Variants in SHROOM3 observed in about 807,000 individuals in gnomAD.
SHROOM3 encodes the protein shroom family member 3.
Under a neutral mutation model 138.6 loss-of-function variants are expected in SHROOM3, and 47 were observed. The ratio of observed to expected loss-of-function variants is 0.34; its 90% CI spans 0.27 to 0.43. SHROOM3 has a LOEUF of 0.43. SHROOM3 is among the 20% of genes least tolerant of loss of function. SHROOM3 has a pLI of 1.00. For missense variants in SHROOM3, 2,491 were observed against 2,596.5 expected, an observed-to-expected ratio of 0.96 and a Z score of 0.88; for synonymous variants, 1,062 against 1,063.3, an observed-to-expected ratio of 1.00 and a Z score of 0.02.
At chr4:76,575,760 T>A (rs749637248) in intron 2 of SHROOM3, 1 of 152,140 alleles carries the variant, frequency 6.6e-6, no homozygotes, top group Non-Finnish European at 1.5e-5. Context: ...ACTATTAATA[T>A]AATACACTGA....
intron 1 of SHROOM3, among the ~76,000 whole-genome samples, chr4:76,463,538 A>G (rs1178876122): frequency 2.0e-5 from 3 of 152,256 alleles, no homozygotes; most frequent in Non-Finnish European, 4.4e-5. Flanking sequence ...GGAAATTTGC[A>G]TAAGTAAGGA....
chr4:76,453,930 T>G (rs142391347), intron 1 of SHROOM3, among the ~76,000 whole-genome samples: 249 of 152,324 alleles, frequency 1.6e-3, no homozygotes, highest in Admixed American at 3.3e-3. Context: ...TGATGTTAGA[T>G]TCGAGAAATC....
rs1222119874 is a variant in SHROOM3, at chr4:76,755,195, G to A, written c.4709+3G>A. 11 of 1,613,342 alleles carry A rather than the reference G, an allele frequency of 6.8e-6. No homozygotes were observed. In the Admixed American group the frequency reaches 8.3e-5, roughly 12 times the overall value. ...GATCCCGAGGGGCCACGCCCCAGGT[G>A]AGTGAGCAGACTGGGCAGCTTTCCC... On this transcript the variant is annotated splice_donor_region_variant and intron_variant, in intron 7 of 10. Transcript: ENST00000296043.
chr4:76,758,712 A>G (rs1459962877), intron 8 of SHROOM3: 1 of 152,184 alleles, frequency 6.6e-6, no homozygotes, highest in East Asian at 1.9e-4. Context: ...ACTAGTAAAG[A>G]TGATTTTTTG....
chr4:76,692,503 C>T (rs970739451), intron 2 of SHROOM3, among the ~76,000 whole-genome samples: 1 of 152,198 alleles, frequency 6.6e-6, no homozygotes, highest in Non-Finnish European at 1.5e-5. Flanking sequence ...CCCAACATTT[C>T]CACGCCTAGG....
intron 2 of SHROOM3, among the ~76,000 whole-genome samples, chr4:76,701,976 T>C (rs1200050441): frequency 1.3e-5 from 2 of 152,224 alleles, no homozygotes; most frequent in African/African-American, 2.4e-5. Context: ...TAAACATTAA[T>C]TGTAAACAAT....
chr4:76,736,975 T>G (rs1721090426), intron 4 of SHROOM3, among the ~76,000 whole-genome samples: 1 of 152,236 alleles, frequency 6.6e-6, no homozygotes, highest in Admixed American at 6.5e-5. Flanking sequence ...GTTGCTGTTG[T>G]GCATTTTGTA....
intron 1 of SHROOM3, among the ~76,000 whole-genome samples, chr4:76,515,656 T>C (rs1011173013): frequency 2.0e-5 from 3 of 152,174 alleles, no homozygotes; most frequent in African/African-American, 7.2e-5. Flanking sequence ...GAAATATTTC[T>C]TGGTTAATGT....
intron 1 of SHROOM3, among the ~76,000 whole-genome samples, chr4:76,461,747 A>G (rs1295452042): frequency 1.3e-5 from 2 of 152,192 alleles, no homozygotes; most frequent in East Asian, 3.9e-4. Context: ...AAATGTTAAG[A>G]TCAATAGCTA....
At position 76,552,024 on chromosome 4, in the gene SHROOM3, G is replaced by C. The variant is rs1421295220; in HGVS notation, c.169-3585G>C. ...CTACAGGCGCCCGCCATCACGCCCG[G>C]CTAATTTTTTGTATCTTTAGTAGAG... On this transcript the variant is annotated intron_variant, in intron 1 of 10. Coordinates refer to ENST00000296043, the MANE Select transcript of SHROOM3 (RefSeq NM_020859.4). 5.1e-5 allele frequency among the ~76,000 whole-genome samples: 4 copies of C among 78,906 alleles called. No homozygotes were observed. The South Asian group carries it at 1.2e-3, about 23-fold the overall frequency. 51.8% of individuals were successfully genotyped at this position (78,906 alleles called of 152,430 possible). A position where few individuals can be genotyped will look rare whatever the true frequency, so the allele number is the denominator to read the frequency against.
chr4:76,729,449 C>T (rs1183201591), intron 3 of SHROOM3, among the ~76,000 whole-genome samples: 3 of 152,028 alleles, frequency 2.0e-5, no homozygotes, highest in Admixed American at 6.5e-5. Context: ...ATTTGTTTCC[C>T]TTGCTTCACA....
chr4:76,717,536 G>A (rs1720410445), intron 3 of SHROOM3, among the ~76,000 whole-genome samples: 1 of 151,724 alleles, frequency 6.6e-6, no homozygotes. Flanking sequence ...GGAATTTTCT[G>A]TCTTTTTTTC....
intron 2 of SHROOM3, among the ~76,000 whole-genome samples, chr4:76,669,518 G>A (rs1385828843): frequency 6.6e-6 from 1 of 151,938 alleles, no homozygotes; most frequent in Non-Finnish European, 1.5e-5. Flanking sequence ...GGAGGCTGAG[G>A]TGGGAGAATC....
chr4:76,546,279 T>G (rs1383568669), intron 1 of SHROOM3, among the ~76,000 whole-genome samples: 1 of 152,184 alleles, frequency 6.6e-6, no homozygotes, highest in East Asian at 1.9e-4. Flanking sequence ...TACTACAATA[T>G]ACCCCATTTA....
chr4:76,548,594 C>A (rs977006442), intron 1 of SHROOM3, among the ~76,000 whole-genome samples: 1 of 152,202 alleles, frequency 6.6e-6, no homozygotes, highest in African/African-American at 2.4e-5. Flanking sequence ...TCTTCAAAGT[C>A]AGTTTCCCCA....
chr4:76,515,863 A>C (rs576797288), intron 1 of SHROOM3, among the ~76,000 whole-genome samples: 1 of 152,200 alleles, frequency 6.6e-6, no homozygotes, highest in Non-Finnish European at 1.5e-5. Flanking sequence ...CTTGCCTGGT[A>C]CTACTTTATG....
chr4:76,651,844 C>T (rs938626352), intron 2 of SHROOM3, among the ~76,000 whole-genome samples: 25 of 152,120 alleles, frequency 1.6e-4, no homozygotes, highest in Admixed American at 1.3e-4. Flanking sequence ...GAATATGAGT[C>T]ATCTATACAG....
At chr4:76,586,369 GC>G (rs1339011744) in intron 2 of SHROOM3, 4 of 985,614 alleles carry the variant, frequency 4.1e-6, no homozygotes, top group African/African-American at 1.7e-5. Context: ...AAGCCACCAA[GC>G]CCCCGCGGTG....
In SHROOM3 at chr4:76,691,223, T is replaced by G. The variant is rs149188920; in HGVS notation, c.324-18933T>G. ...TGGAGAAGGTTACCAAGGGATGTTG[T>G]AGAGAATTCACTTCCCTGGAGATTT... On this transcript the variant is annotated intron_variant, in intron 2 of 10. Coordinates refer to ENST00000296043, the MANE Select transcript of SHROOM3 (RefSeq NM_020859.4). Among the ~76,000 whole-genome samples the G allele has an allele frequency of 3.3e-5, 5 of 152,306 alleles. No homozygotes were observed. In the East Asian group the frequency reaches 7.7e-4, roughly 23 times the overall value.
Sources: allele counts gnomAD v4.1 joint callset (sites outside exome capture counted in the v4.1 genomes callset), GRCh38; gene constraint gnomAD v4.1.1; transcripts MANE v1.5; gene names NCBI Gene and HGNC (gene_info 2026-07-23, HGNC 2026-07-21).